The following ABCA12 variants were observed in gnomAD, a reference collection of about 807,000 sequenced individuals.
ABCA12 encodes the protein ATP binding cassette subfamily A member 12.
ABCA12 carries 156 observed loss-of-function variants against 293.5 expected under a neutral mutation model. The observed-to-expected ratio is 0.53, with a 90% CI of 0.47 to 0.61. The LOEUF is 0.61. Among genes scored for constraint, ABCA12 ranks in the 20% least tolerant of loss-of-function variants. ABCA12 has a pLI of 0.00. For missense variants in ABCA12, 2,797 were observed against 3,090.2 expected, an observed-to-expected ratio of 0.91 and a Z score of 2.25; for synonymous variants, 1,063 against 1,108.0, an observed-to-expected ratio of 0.96 and a Z score of 0.81.
chr2:214,964,219 A>G (rs553463738), intron 39 of ABCA12, among the ~76,000 whole-genome samples: 42 of 152,322 alleles, frequency 2.8e-4, no homozygotes, highest in African/African-American at 1.0e-3. Flanking sequence ...GTATTGAAGG[A>G]ACATACCTCA....
intron 39 of ABCA12, among the ~76,000 whole-genome samples, chr2:214,961,399 A>G (rs969911122): frequency 1.3e-5 from 2 of 152,140 alleles, no homozygotes. Context: ...GTAACTTAAA[A>G]TGTAATGTTA....
chr2:215,026,826 A>G lies in ABCA12; in HGVS notation c.1174T>C (p.Ser392Pro), dbSNP rs369251597. Reference sequence around the variant, plus strand: ...CTGTTAAGAACAGTATTACCTGGTGAACCTCTGGCCAAACTGTCAGTCACA... The same window carrying G: ...CTGTTAAGAACAGTATTACCTGGTGGACCTCTGGCCAAACTGTCAGTCACA... Reference protein sequence around the residue: ...RNVTDSLARGSPENLRLLQST... With the variant: ...RNVTDSLARGPPENLRLLQST... The change falls in exon 10 of 53, where the codon TCA (serine) becomes CCA (proline). Residue 392 changes from serine (S) to proline (P), a missense_variant. Ser to Pro is a moderately conservative substitution (Grantham distance 74). This residue lies in a region of ABCA12 where 656 missense variants were observed against 638.2 expected (regional missense o/e 1.03). Coordinates refer to ENST00000272895, the MANE Select transcript of ABCA12 (RefSeq NM_173076.3). 2.0e-5 allele frequency: 32 copies of G among 1,600,260 alleles called. No individual in the cohort carries two copies. The highest frequency in any genetic ancestry group is 2.7e-5 in the Non-Finnish European group (31 of 1,167,572).
intron 18 of ABCA12, among the ~76,000 whole-genome samples, chr2:215,009,369 C>A (rs553866674): frequency 1.6e-4 from 24 of 152,064 alleles, no homozygotes; most frequent in African/African-American, 5.5e-4. Flanking sequence ...AGGCTTAATA[C>A]CTGGGTGATA....
chr2:215,056,762 C>T (rs1225127738), intron 3 of ABCA12, among the ~76,000 whole-genome samples: 2 of 152,026 alleles, frequency 1.3e-5, no homozygotes, highest in Non-Finnish European at 2.9e-5. Flanking sequence ...CTACTTTCCC[C>T]CCAAACAAAG....
intron 2 of ABCA12, among the ~76,000 whole-genome samples, chr2:215,103,040 G>T (rs936370701): frequency 2.0e-5 from 3 of 152,082 alleles, no homozygotes; most frequent in African/African-American, 7.2e-5. Context: ...GTCCCAGGCA[G>T]TTGCTGACTC....
At chr2:215,131,186 C>T (rs932762604) in intron 1 of ABCA12, among the ~76,000 whole-genome samples, 2 of 151,720 alleles carry the variant, frequency 1.3e-5, no homozygotes, top group Non-Finnish European at 2.9e-5. Flanking sequence ...CTGTAGTTTT[C>T]TTTTTTGTTG....
At chr2:214,961,383 T>A (rs927662658) in intron 39 of ABCA12, among the ~76,000 whole-genome samples, 1 of 152,140 alleles carries the variant, frequency 6.6e-6, no homozygotes, top group African/African-American at 2.4e-5. Context: ...TAATTCTTTA[T>A]GCTCTGTAAC....
chr2:215,097,193 C>T (rs1438543098), intron 2 of ABCA12, among the ~76,000 whole-genome samples: 2 of 152,108 alleles, frequency 1.3e-5, no homozygotes, highest in African/African-American at 4.8e-5. Context: ...TGTTCATTCT[C>T]TTCCTTTCCT....
chr2:215,082,959 C>G (rs1385000348), intron 2 of ABCA12, among the ~76,000 whole-genome samples: 1 of 152,158 alleles, frequency 6.6e-6, no homozygotes, highest in Non-Finnish European at 1.5e-5. Context: ...AATAAAAGCT[C>G]AATGATATTT....
At chr2:214,981,975 A>T (rs867678555) in intron 30 of ABCA12, among the ~76,000 whole-genome samples, 13,772 of 132,462 alleles carry the variant, frequency 0.1, 1,181 homozygotes, top group African/African-American at 0.19. Context: ...TATTATTATT[A>T]TTATTATTAT....
intron 2 of ABCA12, 120 bp downstream of exon 2, chr2:215,111,477 C>T (rs1397372510): frequency 1.5e-6 from 1 of 687,462 alleles, no homozygotes; most frequent in Non-Finnish European, 2.6e-6. Context: ...TCATATTAAT[C>T]CTTCCAAGTG....
chr2:215,056,550 C>T (rs1701424438), intron 3 of ABCA12, among the ~76,000 whole-genome samples: 1 of 152,020 alleles, frequency 6.6e-6, no homozygotes, highest in African/African-American at 2.4e-5. Flanking sequence ...AGTTGGATAT[C>T]ATGTGTGCTT....
At chr2:215,133,137 T>C (rs1703097722) in intron 1 of ABCA12, among the ~76,000 whole-genome samples, 1 of 145,138 alleles carries the variant, frequency 6.9e-6, no homozygotes, top group South Asian at 2.2e-4. Flanking sequence ...CTCTTTTCTC[T>C]AGCTGGCTTT....
At chr2:214,932,928 C>A (rs1213520265) in intron 52 of ABCA12, among the ~76,000 whole-genome samples, 187 bp from the exon 53 acceptor site, 3 of 152,066 alleles carry the variant, frequency 2.0e-5, no homozygotes, top group Non-Finnish European at 2.9e-5. Context: ...TTCAGAAAAT[C>A]AAATTTAACT....
chr2:214,988,519 T>C (rs574483798), intron 26 of ABCA12, among the ~76,000 whole-genome samples: 5 of 152,344 alleles, frequency 3.3e-5, no homozygotes, highest in African/African-American at 9.6e-5. Context: ...CTTTTATTCA[T>C]GTATAACACC....
At chr2:215,005,439 T>C (rs1204233516) in intron 19 of ABCA12, among the ~76,000 whole-genome samples, 1 of 152,222 alleles carries the variant, frequency 6.6e-6, no homozygotes, top group Non-Finnish European at 1.5e-5. Context: ...AAAAACATAT[T>C]AGTCGAGCAC....
At chr2:214,997,232 A>G (rs1288130230) in intron 23 of ABCA12, among the ~76,000 whole-genome samples, 1 of 152,192 alleles carries the variant, frequency 6.6e-6, no homozygotes, top group East Asian at 1.9e-4. Context: ...GAGACAAGGT[A>G]TACTGGAAAG....
chr2:214,955,848 C>T (rs1207643060), intron 42 of ABCA12, among the ~76,000 whole-genome samples: 1 of 152,046 alleles, frequency 6.6e-6, no homozygotes, highest in Non-Finnish European at 1.5e-5. Flanking sequence ...TTTAAGAAAC[C>T]TTGAGTAGTT....
intron 3 of ABCA12, among the ~76,000 whole-genome samples, chr2:215,058,488 A>G (rs1701464298): frequency 6.6e-6 from 1 of 152,186 alleles, no homozygotes; most frequent in East Asian, 1.9e-4. Context: ...AATAGCTCCA[A>G]GGAAGTCTCA....
Sources: allele counts gnomAD v4.1 joint callset (sites outside exome capture counted in the v4.1 genomes callset), GRCh38; gene constraint gnomAD v4.1.1; regional missense constraint gnomAD v4.1.1; transcripts MANE v1.5; gene names NCBI Gene and HGNC (gene_info 2026-07-23, HGNC 2026-07-21).